The following ARHGEF1 variants were observed in gnomAD, a reference collection of about 807,000 sequenced individuals.
ARHGEF1 encodes 115 kDa guanine nucleotide exchange factor.
ARHGEF1 carries 40 observed loss-of-function variants against 119.7 expected under a neutral mutation model. The observed-to-expected ratio is 0.33, with a 90% CI of 0.26 to 0.44. ARHGEF1 has a LOEUF of 0.44. ARHGEF1 is among the 20% of genes least tolerant of loss of function. The pLI is 1.00. For missense variants in ARHGEF1, 976 were observed against 1,268.3 expected (o/e 0.77, Z 3.50); for synonymous variants, 494 against 521.0 (o/e 0.95, Z 0.71).
intron 1 of ARHGEF1, among the ~76,000 whole-genome samples, chr19:41,925,992 G>T (rs1418301033): frequency 6.6e-6 from 1 of 152,074 alleles, no homozygotes; most frequent in African/African-American, 2.4e-5. Context: ...GTGTGAGTGT[G>T]TGCATGTGTG....
At chr19:41,922,762 C>T (rs1555852665), upstream of ARHGEF1, among the ~76,000 whole-genome samples, 3 of 152,196 alleles carry the variant, frequency 2.0e-5, no homozygotes, top group Admixed American at 6.5e-5. Flanking sequence ...CCAGGGGCAT[C>T]AGGCGCGGTG....
Position 41,906,115 on chromosome 19 carries a change from CT to C in ARHGEF1, c.2491+92del. ...CAAGGCTCTCCACGTCAAAAATTTC[CT>C]TACGCCCAGCTGCCAGAAAACAAAT... On this transcript the variant is annotated intron_variant, in intron 26 of 28. Transcript: ENST00000354532. The surrounding 1 kb of genome is among the most constrained non-coding windows in gnomAD (Gnocchi z 4.5). 1 of 1,302,830 alleles carries C rather than the reference CT, an allele frequency of 7.7e-7. No individual in the cohort carries two copies. Among genetic ancestry groups the C allele is most frequent in the Non-Finnish European group, 1.1e-6 (1 of 920,442 alleles). 80.7% of individuals were successfully genotyped at this position (1,302,830 alleles called of 1,614,324 possible).
At chr19:41,920,500 GCACT>G (rs1429479299), upstream of ARHGEF1, among the ~76,000 whole-genome samples, 1 of 143,300 alleles carries the variant, frequency 7.0e-6, no homozygotes, top group Non-Finnish European at 1.5e-5. Context: ...CAGACATGAC[GCACT>G]CAGACATGAC....
At chr19:41,884,013 C>T (rs1296024780) in intron 1 of ARHGEF1, among the ~76,000 whole-genome samples, 4 of 152,044 alleles carry the variant, frequency 2.6e-5, no homozygotes, top group Non-Finnish European at 5.9e-5. Flanking sequence ...GGGTGGGAGA[C>T]GGAGGGGATT....
chr19:41,897,792 C>A, intron 13 of ARHGEF1: 2 of 701,150 alleles, frequency 2.9e-6, no homozygotes, highest in Non-Finnish European at 4.1e-6. Context: ...CAATTTCTGT[C>A]CCTGCCCTGG....
chr19:41,929,734 C>T (rs2074894079), exon 3 of ARHGEF1: 1 of 152,922 alleles, frequency 6.5e-6, no homozygotes, highest in East Asian at 1.9e-4. Context: ...CTGGAGGCTT[C>T]TACCCCTAGA....
At chr19:41,925,991 T>G (rs189289616) in intron 1 of ARHGEF1, among the ~76,000 whole-genome samples, 8 of 152,054 alleles carry the variant, frequency 5.3e-5, no homozygotes, top group Non-Finnish European at 1.2e-4. Flanking sequence ...TGTGTGAGTG[T>G]GTGCATGTGT....
At position 41,905,915 on chromosome 19, in the gene ARHGEF1, C is replaced by T. The variant is rs2074687216; in HGVS notation, c.2405-24C>T. On this transcript the variant is annotated intron_variant, in intron 25 of 28. Transcript: ENST00000354532. The surrounding 1 kb of genome is among the most constrained non-coding windows in gnomAD (Gnocchi z 6.4). Reference sequence around the variant, plus strand: ...CACAGGAGGCCCGGCAGGATCTGAGCTCCCTCTCTGTTCCCCAATCCAGCC... The same window carrying T: ...CACAGGAGGCCCGGCAGGATCTGAGTTCCCTCTCTGTTCCCCAATCCAGCC... 1 of 1,613,656 alleles carries T rather than the reference C, an allele frequency of 6.2e-7. No individual in the cohort carries two copies.
At chr19:41,924,564 G>A (rs1373401422) in intron 1 of ARHGEF1, among the ~76,000 whole-genome samples, 5 of 151,612 alleles carry the variant, frequency 3.3e-5, no homozygotes, top group Non-Finnish European at 7.4e-5. Context: ...ATATGGGGAG[G>A]GTAGGTGTTA....
chr19:41,902,249 C>T lies in ARHGEF1; in HGVS notation c.1415-25C>T. On this transcript the variant is annotated intron_variant, in intron 15 of 28. Coordinates refer to ENST00000354532, the MANE Select transcript of ARHGEF1 (RefSeq NM_004706.4). The surrounding 1 kb of genome is among the most constrained non-coding windows in gnomAD (Gnocchi z 6.5). ...CAGCATCTTCCAGACCCTGGTGGAG[C>T]ATCCCTTTCCTCCTGCCCCCACAGC... 1 of 1,613,240 alleles carries T rather than the reference C, an allele frequency of 6.2e-7. No individual in the cohort carries two copies. The highest frequency in any genetic ancestry group is 8.5e-7 in the Non-Finnish European group (1 of 1,179,424).
intron 18 of ARHGEF1, among the ~76,000 whole-genome samples, chr19:41,914,570 TCTCCG>T (rs2074776711): frequency 3.7e-5 from 1 of 26,792 alleles, no homozygotes; most frequent in Non-Finnish European, 7.9e-5. Context: ...ACCATCTCTG[TCTCCG>T]TCTCTCCCTC....
At chr19:41,928,640 A>G (rs1447827595) in intron 1 of ARHGEF1, 2 of 217,136 alleles carry the variant, frequency 9.2e-6, no homozygotes, top group Non-Finnish European at 1.9e-5. Flanking sequence ...GATCGATGGA[A>G]TATAATTTTC....
At chr19:41,893,139 A>G (rs1308839433) in intron 7 of ARHGEF1, 135 bp from the exon 8 acceptor site, 18 of 1,263,094 alleles carry the variant, frequency 1.4e-5, no homozygotes, top group South Asian at 1.0e-4. Context: ...GTCCTTCCCA[A>G]TCCCTTCCAC....
chr19:41,895,609 A>G (rs1177130875), intron 12 of ARHGEF1, 123 bp downstream of exon 12: 4 of 1,077,198 alleles, frequency 3.7e-6, no homozygotes, highest in Non-Finnish European at 3.9e-6. Context: ...TGCTCTCAGC[A>G]TCCACTTCTC....
At chr19:41,907,836 C>T (rs1186803622), downstream of ARHGEF1, 12 of 180,156 alleles carry the variant, frequency 6.7e-5, no homozygotes, top group East Asian at 1.2e-3. Flanking sequence ...AGCTCCCTGT[C>T]CCCAGGGGGG....
intron 18 of ARHGEF1, among the ~76,000 whole-genome samples, chr19:41,914,628 T>C (rs62639389): frequency 0.04 from 716 of 17,910 alleles, 93 homozygotes; most frequent in Middle Eastern, 0.075. Context: ...CCACCATCTC[T>C]GTCTCTGTCT....
At position 41,892,793 on chromosome 19, in the gene ARHGEF1, C is replaced by T. The variant is rs577018777; in HGVS notation, c.558C>T (p.Tyr186=). 34 of 1,598,088 alleles carry T rather than the reference C, an allele frequency of 2.1e-5. No homozygotes were observed. The highest frequency in any genetic ancestry group is 6.7e-5 in the African/African-American group (5 of 74,916). Residue 186 remains tyrosine, a synonymous_variant, in exon 7 of 29, where the codon TAC becomes TAT. Transcript: ENST00000354532. This position sits in a 1 kb window ranked among gnomAD's most constrained non-coding sequence, Gnocchi z 6.3. ...GGGTTGGGCGGGACCGAGCCAGCTA[C>T]GAGGCCCGGGAGCGGCACGTGGCGG... ...EAWVGRDRAS[Y]EARERHVAER... is the part of the protein sequence containing the mutation.
intron 8 of ARHGEF1, 58 bp from the exon 9 acceptor site, chr19:41,894,149 T>TGTGG (rs2074435929): frequency 1.0e-6 from 1 of 975,704 alleles, no homozygotes; most frequent in Admixed American, 2.7e-5. Context: ...TGTGTGTGTG[T>TGTGG]GTGTGTGTGT....
rs1415067389 is a variant in ARHGEF1, at chr19:41,893,288, C to T, written c.629C>T (p.Thr210Ile). Reference sequence around the variant, plus strand: ...TCCTCCTACAGACATACCATCTCTACCGACGAAGAAAAGAGGTGAGGGGGG... The same window carrying T: ...TCCTCCTACAGACATACCATCTCTATCGACGAAGAAAAGAGGTGAGGGGGG... ...HLEEMQHTIS[T>I]DEEKSAAVVN... Residue 210 changes from threonine (T) to isoleucine (I), a missense_variant, in exon 8 of 29, where the codon ACC becomes ATC. Thr to Ile is a moderately conservative substitution (Grantham distance 89). This residue lies in a region of ARHGEF1 where 519 missense variants were observed against 580.9 expected (regional missense o/e 0.89). Transcript: ENST00000354532. The T allele has an allele frequency of 4.3e-6, 7 of 1,610,730 alleles. No individual in the cohort carries two copies. The highest frequency in any genetic ancestry group is 1.7e-5 in the Admixed American group (1 of 59,620).
Sources: allele counts gnomAD v4.1 joint callset (sites outside exome capture counted in the v4.1 genomes callset), GRCh38; gene constraint gnomAD v4.1.1; regional missense constraint gnomAD v4.1.1; non-coding constraint Gnocchi (gnomAD v3.1); transcripts MANE v1.5; gene names NCBI Gene and HGNC (gene_info 2026-07-23, HGNC 2026-07-21).